The following LRR1 variants were observed in gnomAD, a reference collection of about 807,000 sequenced individuals.
LRR1 encodes the protein leucine-rich repeat protein 1.
In LRR1, 29 loss-of-function variants were observed where a neutral mutation model predicts 31.6. The ratio of observed to expected loss-of-function variants is 0.92; its 90% CI spans 0.68 to 1.25. The LOEUF (loss-of-function observed/expected upper bound fraction) is 1.25. Ranked by LOEUF, LRR1 falls within the 50% of genes most tolerant of loss-of-function variation. LRR1 has a pLI of 0.00. For synonymous variants in LRR1, 179 were observed against 181.4 expected, an observed-to-expected ratio of 0.99 and a Z score of 0.10; for missense variants, 485 against 487.2, an observed-to-expected ratio of 1.00 and a Z score of 0.04.
intron 3 of LRR1, 80 bp from the exon 4 acceptor site, chr14:49,614,176 G>A: frequency 2.2e-6 from 3 of 1,395,176 alleles, no homozygotes; most frequent in Non-Finnish European, 2.9e-6. Context: ...ACTTTTCATT[G>A]TTAAAATTCC....
chr14:49,613,206 G>A (rs1358335727), intron 3 of LRR1, among the ~76,000 whole-genome samples: 2 of 152,122 alleles, frequency 1.3e-5, no homozygotes, highest in East Asian at 1.9e-4. Context: ...AGGCGTGGTG[G>A]CGGGCACCTA....
intron 3 of LRR1, among the ~76,000 whole-genome samples, chr14:49,609,286 T>C (rs1437261008): frequency 1.5e-5 from 2 of 133,586 alleles, no homozygotes; most frequent in Non-Finnish European, 3.1e-5. Flanking sequence ...AGTGCAGTGG[T>C]CCAATCTCAG....
chr14:49,604,775 CAA>C (rs536663833), intron 2 of LRR1, among the ~76,000 whole-genome samples: 2 of 151,858 alleles, frequency 1.3e-5, no homozygotes, highest in African/African-American at 4.8e-5. Flanking sequence ...CTTTCTCAAA[CAA>C]AAAAAATTTA....
In LRR1 at chr14:49,599,178, A is replaced by G; in HGVS notation, c.158A>G (p.Lys53Arg). The change falls in exon 1 of 4, where the codon AAG becomes AGG. Residue 53 changes from lysine to arginine, a missense_variant. This residue lies in a region of LRR1 where 260 missense variants were observed against 249.6 expected (regional missense o/e 1.04). Coordinates refer to ENST00000298288, the MANE Select transcript of LRR1 (RefSeq NM_152329.4). Reference protein sequence around the residue: ...VRAFLLISTLKDKRGTRYELR... With the variant: ...VRAFLLISTLRDKRGTRYELR... ...GCCTTCCTGCTCATCTCCACCCTGA[A>G]GGACAAGCGCGGGACCCGCTATGAG... 6.2e-7 allele frequency: 1 copy of G among 1,608,596 alleles called. No individual in the cohort carries two copies. The highest frequency in any genetic ancestry group is 8.5e-7 in the Non-Finnish European group (1 of 1,177,890).
In LRR1 at chr14:49,607,559, C is replaced by T. The variant is rs2139544894; in HGVS notation, c.442C>T (p.Leu148=). 1 of 1,614,118 alleles carries T rather than the reference C, an allele frequency of 6.2e-7. No individual in the cohort carries two copies. The highest frequency in any genetic ancestry group is 2.2e-5 in the East Asian group (1 of 44,884). ...TATCACATCCAAAAAAGACTATCCT[C>T]TAAGTAAGAATTTTCCATATTCCTT... The part of the protein sequence containing the change: ...MVITSKKDYP[L]SKNFPYSLEH... The change falls in exon 3 of 4, where the codon CTA becomes TTA. Residue 148 remains leucine (L), a synonymous_variant. Coordinates refer to ENST00000298288, the MANE Select transcript of LRR1 (RefSeq NM_152329.4).
chr14:49,609,036 A>C (rs12891548), intron 3 of LRR1, among the ~76,000 whole-genome samples: 35,735 of 145,566 alleles, frequency 0.25, 4,682 homozygotes, highest in Admixed American at 0.32. Context: ...GCCTCAGCCT[A>C]CTGAGTAGCT....
rs369194727 is a variant in LRR1, at chr14:49,608,103, G to A, written c.986G>A (p.Arg329Gln). Reference sequence around the variant, plus strand: ...TTAACTTTATTGGAATCTTCTGCACGAACCATATTACATAATAGGTAAGAT... The same window carrying A: ...TTAACTTTATTGGAATCTTCTGCACAAACCATATTACATAATAGGTAAGAT... Reference protein sequence around the residue: ...APLTLLESSARTILHNRIPYG... With the variant: ...APLTLLESSAQTILHNRIPYG... Residue 329 changes from arginine (R) to glutamine (Q), a missense_variant, in exon 3 of 4, where the codon CGA (arginine) becomes CAA (glutamine). Arg to Gln is a conservative substitution (Grantham distance 43). Around this residue, in one of 3 missense-constraint regions of LRR1, gnomAD observed 210 missense variants for 200.4 expected, o/e 1.05. Coordinates refer to ENST00000298288, the MANE Select transcript of LRR1 (RefSeq NM_152329.4). The A allele has an allele frequency of 2.8e-5, 44 of 1,582,564 alleles. No homozygotes were observed. The highest frequency in any genetic ancestry group is 2.5e-4 in the Admixed American group (13 of 52,680).
chr14:49,600,200 C>CT lies in LRR1; in HGVS notation c.183+998dup. On this transcript the variant is annotated intron_variant, in intron 1 of 3. Coordinates refer to ENST00000298288, the MANE Select transcript of LRR1 (RefSeq NM_152329.4). ...TCTATAACACCGCCGGACAGGAAGA[C>CT]TATGACCATCTGAGGCCTTTATCTT... 3 of 1,477,944 alleles carry CT rather than the reference C, an allele frequency of 2.0e-6. No homozygotes were observed. In the South Asian group the frequency reaches 3.4e-5, roughly 17 times the overall value. 91.6% of individuals were successfully genotyped at this position (1,477,944 alleles called of 1,614,324 possible). A position where few individuals can be genotyped will look rare whatever the true frequency, so the allele number is the denominator to read the frequency against.
rs764271497 is a variant in LRR1 at position 49,614,396 on chromosome 14, CT to C, written c.1146del (p.Val383TrpfsTer3). The C allele has an allele frequency of 3.7e-6, 6 of 1,614,006 alleles. No homozygotes were observed. The highest frequency in any genetic ancestry group is 5.1e-6 in the Non-Finnish European group (6 of 1,179,950). On this transcript the variant is annotated frameshift_variant, in exon 4 of 4. Coordinates refer to ENST00000298288, the MANE Select transcript of LRR1 (RefSeq NM_152329.4). LOFTEE classifies it high-confidence loss of function. Reference sequence around the variant, plus strand: ...ATGAATCTGCATTCTGTTGCCCACACTGTGGTCTTAGTAGATAATTTGGGTG... The same window carrying C: ...ATGAATCTGCATTCTGTTGCCCACACGTGGTCTTAGTAGATAATTTGGGTG... ...TTMNLHSVAHTVVLVDNLGGT... is the reference protein window; with the variant it reads ...TTMNLHSVAHXVVLVDNLGGT...
chr14:49,606,424 TG>T (rs1882285623), intron 2 of LRR1, among the ~76,000 whole-genome samples: 1 of 149,870 alleles, frequency 6.7e-6, no homozygotes, highest in South Asian at 2.1e-4. Flanking sequence ...CTGCAACCTC[TG>T]CCTCCCAGGT....
At chr14:49,606,102 C>G (rs1025121355) in intron 2 of LRR1, among the ~76,000 whole-genome samples, 2 of 148,894 alleles carry the variant, frequency 1.3e-5, no homozygotes, top group African/African-American at 4.9e-5. Flanking sequence ...TCTTGGCTTA[C>G]TGCAACCTCT....
chr14:49,608,387 T>TC (rs1274386519), intron 3 of LRR1, among the ~76,000 whole-genome samples: 1 of 137,664 alleles, frequency 7.3e-6, no homozygotes, highest in Non-Finnish European at 1.5e-5. Context: ...TTTTATTCCT[T>TC]CCCTCCTTAC....
intron 2 of LRR1, among the ~76,000 whole-genome samples, chr14:49,603,002 A>ATTTTTTT (rs34024087): frequency 1.4e-5 from 2 of 139,536 alleles, no homozygotes; most frequent in Non-Finnish European, 3.1e-5. Flanking sequence ...TGCGTGGCTG[A>ATTTTTTT]TTTTTTTTTT....
chr14:49,599,326 A>C, intron 1 of LRR1, 123 bp downstream of exon 1: 3 of 1,139,056 alleles, frequency 2.6e-6, no homozygotes, highest in Non-Finnish European at 1.2e-6. Context: ...GGGTTCCTGA[A>C]CTCCCAGCCT....
chr14:49,602,582 C>T (rs1882105416), intron 2 of LRR1, 114 bp downstream of exon 2: 1 of 768,634 alleles, frequency 1.3e-6, no homozygotes, highest in Non-Finnish European at 2.1e-6. Flanking sequence ...TCATAGCTCA[C>T]TGCATCAAAC....
chr14:49,611,966 T>G (rs1423890814), intron 3 of LRR1, among the ~76,000 whole-genome samples: 4 of 152,038 alleles, frequency 2.6e-5, no homozygotes. Flanking sequence ...TACATTGTAT[T>G]TATTCAAATT....
intron 1 of LRR1, 133 bp from the exon 2 acceptor site, chr14:49,602,237 T>A (rs1432860050): frequency 7.9e-6 from 4 of 506,410 alleles, no homozygotes; most frequent in Non-Finnish European, 9.8e-6. Context: ...AAACTTAAAA[T>A]GAAAACACTC....
At chr14:49,612,187 T>C (rs1291142174) in intron 3 of LRR1, among the ~76,000 whole-genome samples, 2 of 152,236 alleles carry the variant, frequency 1.3e-5, no homozygotes, top group African/African-American at 2.4e-5. Context: ...TTTCGCGTTA[T>C]AGCATTTATG....
At chr14:49,601,301 A>C (rs796637322) in intron 1 of LRR1, among the ~76,000 whole-genome samples, 2 of 152,188 alleles carry the variant, frequency 1.3e-5, no homozygotes, top group East Asian at 1.9e-4. Flanking sequence ...TTTAATAACT[A>C]TCTCTCATCA....
Sources: gnomAD v4.1 joint callset for allele counts (sites outside exome capture counted in the v4.1 genomes callset) on GRCh38, gnomAD v4.1.1 for gene constraint, gnomAD v4.1.1 regional missense constraint, MANE v1.5 for transcripts, NCBI Gene and HGNC (gene_info 2026-07-23, HGNC 2026-07-21) for gene names.